DNAH12: variants seen among roughly 807,000 people sequenced by gnomAD.
DNAH12 encodes dynein axonemal heavy chain 12, also known as axonemal beta dynein heavy chain 12.
In DNAH12, 285 loss-of-function variants were observed where a neutral mutation model predicts 371.5. The observed-to-expected ratio is 0.77, with a 90% CI of 0.70 to 0.85. The LOEUF is 0.85. Among genes scored for constraint, DNAH12 ranks in the 40% least tolerant of loss-of-function variants. The probability of loss-of-function intolerance (pLI) is 0.00; values close to 1 mark genes in which losing one functional copy is unlikely to be tolerated. For missense variants in DNAH12, 3,611 were observed against 3,689.4 expected, an observed-to-expected ratio of 0.98 and a Z score of 0.55; for synonymous variants, 1,200 against 1,213.0, an observed-to-expected ratio of 0.99 and a Z score of 0.22.
chr3:57,448,333 A>C (rs1169191584), intron 25 of DNAH12, among the ~76,000 whole-genome samples: 1 of 151,560 alleles, frequency 6.6e-6, no homozygotes, highest in Non-Finnish European at 1.5e-5. Flanking sequence ...CTCTTAAGGC[A>C]GCACGTCTGG....
chr3:57,435,373 C>CAAAAAAAAAAAAAAAAAAAA lies in DNAH12; in HGVS notation c.4656-1546_4656-1545insTTTTTTTTTTTTTTTTTTTT, dbSNP rs34515598. On this transcript the variant is annotated intron_variant, in intron 30 of 73. Transcript: ENST00000495027. ...GGTGATAGACCAAGACTCTGTCTCC[C>CAAAAAAAAAAAAAAAAAAAA]AAAAAAAAAAAAAAAAAAAGAATAT... Among the ~76,000 whole-genome samples the CAAAAAAAAAAAAAAAAAAAA allele has an allele frequency of 1.4e-3, 134 of 94,716 alleles. 1 individual carries two copies. The highest frequency in any genetic ancestry group is 6.8e-3 in the Middle Eastern group (1 of 146). The allele number at this position is 94,716 out of a possible 152,430, so 62.1% of individuals were successfully genotyped here.
Position 57,488,286 on chromosome 3 carries a change from G to T in DNAH12, c.1514+1223C>A, listed in dbSNP as rs913835185. Among the ~76,000 whole-genome samples the T allele has an allele frequency of 1.3e-4, 20 of 152,140 alleles. No individual in the cohort carries two copies. In the East Asian group the frequency reaches 3.7e-3, roughly 28 times the overall value. On this transcript the variant is annotated intron_variant, in intron 12 of 73. Coordinates refer to ENST00000495027, the MANE Select transcript of DNAH12 (RefSeq NM_001366028.2). ...CGGCTCACTGCAACCTCCACTTCCC[G>T]GGTTCAAGCGATTCTCCTGCCTCAA...
chr3:57,320,877 G>A (rs2061789207), intron 65 of DNAH12, among the ~76,000 whole-genome samples: 4 of 152,162 alleles, frequency 2.6e-5, no homozygotes, highest in South Asian at 4.1e-4. Flanking sequence ...TCATTTGTTT[G>A]TACTACCAGA....
At chr3:57,464,658 C>G (rs371890778) in intron 17 of DNAH12, among the ~76,000 whole-genome samples, 29 of 152,206 alleles carry the variant, frequency 1.9e-4, no homozygotes, top group African/African-American at 6.3e-4. Context: ...AGCAAAGAAC[C>G]AGTAACTGAC....
At chr3:57,307,296 T>C (rs2061492612) in intron 69 of DNAH12, among the ~76,000 whole-genome samples, 1 of 152,118 alleles carries the variant, frequency 6.6e-6, no homozygotes, top group Non-Finnish European at 1.5e-5. Flanking sequence ...GCTGACCCCA[T>C]AGATCCTAAA....
At chr3:57,469,877 G>T (rs936259286) in intron 16 of DNAH12, among the ~76,000 whole-genome samples, 13 of 152,060 alleles carry the variant, frequency 8.5e-5, no homozygotes, top group Admixed American at 8.5e-4. Context: ...CTACCTATTA[G>T]GTGCTGTGCT....
rs1485135870 is a variant in DNAH12 at position 57,293,813 on chromosome 3, C to T, written c.11851G>A (p.Gly3951Arg). The change falls in exon 74 of 74, where the codon GGG becomes AGG. Residue 3951 changes from glycine (G) to arginine (R), a missense_variant. By Grantham distance (125) the Gly-to-Arg change is moderately radical (BLOSUM62 -2). Transcript: ENST00000495027. ...DQPTRHWIKR[G>R]VALLCQLDD The stretch of plus-strand genomic sequence containing the variant: ...TCCAACTGACAAAGCAAAGCAACCC[C>T]GCGCTTGATCCAGTGCCGAGTAGGT... The T allele has an allele frequency of 8.4e-6, 13 of 1,549,370 alleles. No individual in the cohort carries two copies. Among genetic ancestry groups the T allele is most frequent in the South Asian group, 1.2e-5 (1 of 83,864 alleles).
At chr3:57,302,565 G>GGTTTTTT (rs2061380121) in intron 69 of DNAH12, among the ~76,000 whole-genome samples, 3 of 28,854 alleles carry the variant, frequency 1.0e-4, no homozygotes, top group African/African-American at 3.9e-4. Context: ...ATATATATAT[G>GGTTTTTT]TATTTTTTTT....
At chr3:57,294,180 T>TC (rs1237598110) in intron 73 of DNAH12, among the ~76,000 whole-genome samples, 7 of 147,448 alleles carry the variant, frequency 4.7e-5, no homozygotes, top group African/African-American at 1.0e-4. Context: ...TCTTTTCTTT[T>TC]TTTTTTTTTT....
chr3:57,304,473 CT>C (rs1238600590), intron 69 of DNAH12, among the ~76,000 whole-genome samples: 1 of 152,166 alleles, frequency 6.6e-6, no homozygotes, highest in Non-Finnish European at 1.5e-5. Context: ...CCTCTTTCTC[CT>C]TTCAATCTTG....
chr3:57,356,252 G>A (rs2062796189), intron 59 of DNAH12, among the ~76,000 whole-genome samples: 1 of 151,966 alleles, frequency 6.6e-6, no homozygotes, highest in Non-Finnish European at 1.5e-5. Context: ...GACCAGCCTG[G>A]GCAACATGGT....
At chr3:57,308,652 T>A (rs1259036521) in intron 69 of DNAH12, among the ~76,000 whole-genome samples, 1 of 152,158 alleles carries the variant, frequency 6.6e-6, no homozygotes, top group Admixed American at 6.5e-5. Context: ...CGGTTTACAC[T>A]GTTTTCCAAG....
At chr3:57,438,750 C>A (rs1049045203) in intron 29 of DNAH12, among the ~76,000 whole-genome samples, 5 of 151,792 alleles carry the variant, frequency 3.3e-5, no homozygotes, top group Admixed American at 6.6e-5. Context: ...GTCAGAGGTT[C>A]AAGACCAGCC....
intron 62 of DNAH12, among the ~76,000 whole-genome samples, chr3:57,333,462 C>G (rs1280394941): frequency 6.6e-6 from 1 of 151,520 alleles, no homozygotes; most frequent in Non-Finnish European, 1.5e-5. Context: ...TCCTGAATAG[C>G]TGGGACTACA....
At chr3:57,548,922 A>C (rs2069598053), upstream of DNAH12, 1 of 152,234 alleles carries the variant, frequency 6.6e-6, no homozygotes, top group Admixed American at 6.5e-5. Context: ...TGACACACAA[A>C]TTTGTGAAGC....
intron 72 of DNAH12, 55 bp downstream of exon 72, chr3:57,296,289 T>C (rs1450812653): frequency 2.3e-5 from 31 of 1,348,194 alleles, no homozygotes; most frequent in Non-Finnish European, 2.0e-6. Context: ...AGATTGCTTA[T>C]CTTATCTATG....
intron 37 of DNAH12, among the ~76,000 whole-genome samples, chr3:57,418,141 G>C (rs993787085): frequency 6.7e-6 from 1 of 148,546 alleles, no homozygotes; most frequent in Admixed American, 6.8e-5. Flanking sequence ...GGGAGACAGA[G>C]CGCAAGCGAC....
At chr3:57,393,782 GTTTTATTAAAAC>G in intron 44 of DNAH12, among the ~76,000 whole-genome samples, 1 of 151,824 alleles carries the variant, frequency 6.6e-6, no homozygotes, top group East Asian at 1.9e-4. Context: ...CCATAAGATA[GTTTTATTAAAAC>G]TTTAAAAAAA....
At position 57,408,397 on chromosome 3, in the gene DNAH12, A is replaced by G. The variant is rs187990989; in HGVS notation, c.6159T>C (p.Phe2053=). The change falls in exon 40 of 74, where the codon TTT becomes TTC. Residue 2053 remains phenylalanine, a synonymous_variant. Coordinates refer to ENST00000495027, the MANE Select transcript of DNAH12 (RefSeq NM_001366028.2). Reference sequence around the variant, plus strand: ...AGATTCGGACCATAGTTTCATCACTAAAAGAATTAATACTGCAGATGTTGA... The same window carrying G: ...AGATTCGGACCATAGTTTCATCACTGAAAGAATTAATACTGCAGATGTTGA... ...RHFNICSINS[F]SDETMVRIFS... is the part of the protein sequence containing the mutation. 1,068 of 1,551,608 alleles carry G rather than the reference A, an allele frequency of 6.9e-4. 1 individual carries two copies. Among genetic ancestry groups the G allele is most frequent in the Non-Finnish European group, 8.9e-4 (1,020 of 1,146,932 alleles).
Sources: allele counts gnomAD v4.1 joint callset (sites outside exome capture counted in the v4.1 genomes callset), GRCh38; gene constraint gnomAD v4.1.1; transcripts MANE v1.5; gene names NCBI Gene and HGNC (gene_info 2026-07-23, HGNC 2026-07-21).